SP110: variants seen among roughly 807,000 people sequenced by gnomAD.
SP110 encodes the protein interferon-induced protein 41, 30kD.
Under a neutral mutation model 92.7 loss-of-function variants are expected in SP110, and 62 were observed. The observed-to-expected ratio is 0.67, with a 90% confidence interval of 0.55 to 0.83. SP110 has a LOEUF of 0.83. SP110 is among the 40% of genes least tolerant of loss of function. The pLI, the probability that SP110 is intolerant of heterozygous loss-of-function variation, is 0.00. For synonymous variants in SP110, 273 were observed against 305.3 expected (o/e 0.89, Z 1.10); for missense variants, 793 against 863.9 (o/e 0.92, Z 1.03).
chr2:230,194,240 G>C (rs2042763399), intron 10 of SP110, among the ~76,000 whole-genome samples: 1 of 152,086 alleles, frequency 6.6e-6, no homozygotes, highest in Non-Finnish European at 1.5e-5. Context: ...TAAAGGTACA[G>C]AATCCAAGAG....
In SP110 at chr2:230,178,395, G is replaced by C. The variant is rs537840195; in HGVS notation, c.1349-140C>G. 9.1e-6 allele frequency: 6 copies of C among 661,848 alleles called. No homozygotes were observed. In the East Asian group the frequency reaches 1.4e-4, roughly 15 times the overall value. 41.0% of individuals were successfully genotyped at this position (661,848 alleles called of 1,614,324 possible). On this transcript the variant is annotated intron_variant, in intron 12 of 18. Coordinates refer to ENST00000258381, the MANE Select transcript of SP110 (RefSeq NM_080424.4). Reference sequence around the variant, plus strand: ...TAGTTTGCAGGAACTCTTTCATCTCGAGTGACAGATAAGCTATGTGTACAC... The same window carrying C: ...TAGTTTGCAGGAACTCTTTCATCTCCAGTGACAGATAAGCTATGTGTACAC...
rs1421366518 is a variant in SP110 at position 230,165,768 on chromosome 2, T to C, written c.*3356A>G. Among the ~76,000 whole-genome samples, 2 of 151,844 alleles carry C rather than the reference T, an allele frequency of 1.3e-5. No homozygotes were observed. The highest frequency in any genetic ancestry group is 2.9e-5 in the Non-Finnish European group (2 of 67,974). ...CATTGGGAAAACTTATGGGTAAATATTGGAACTAAAAGCCGTTACGATGCC... is the reference window on the plus strand; with the variant it reads ...CATTGGGAAAACTTATGGGTAAATACTGGAACTAAAAGCCGTTACGATGCC... On this transcript the variant is annotated 3_prime_UTR_variant, in exon 19 of 19. Coordinates refer to ENST00000258381, the MANE Select transcript of SP110 (RefSeq NM_080424.4).
rs2078475873 is a variant in SP110, at chr2:230,172,591, T to C, written c.1706+253A>G. 5.5e-6 allele frequency: 3 copies of C among 547,612 alleles called. 1 individual carries two copies. In the Admixed American group the frequency reaches 9.3e-5, roughly 17 times the overall value. 33.9% of individuals were successfully genotyped at this position (547,612 alleles called of 1,614,324 possible). ...ACAGGCACAGAACATAAGCTGGCTT[T>C]TCCCGTCCCCTCCTCCTTTTGGACA... On this transcript the variant is annotated intron_variant, in intron 15 of 18. Coordinates refer to ENST00000258381, the MANE Select transcript of SP110 (RefSeq NM_080424.4).
rs866076768 is a variant in SP110, at chr2:230,169,162, G to A, written c.2104C>T (p.His702Tyr). The change falls in exon 19 of 19, where the codon CAT (histidine) becomes TAT (tyrosine). Residue 702 changes from histidine (H) to tyrosine (Y), a missense_variant. His to Tyr is a moderately conservative substitution (Grantham distance 83). Transcript: ENST00000258381. ...EKDLKDVLGF[H>Y]EANDGGFWTL... ...CAGAAACCGCCGTCATTGGCTTCAT[G>A]AAAACCGAGCACGTCTTTGAGATCT... The A allele has an allele frequency of 6.2e-7, 1 of 1,613,898 alleles. No individual in the cohort carries two copies. Among genetic ancestry groups the A allele is most frequent in the East Asian group, 2.2e-5 (1 of 44,874 alleles).
intron 6 of SP110, among the ~76,000 whole-genome samples, chr2:230,210,888 T>C (rs1044540893): frequency 2.6e-5 from 4 of 152,198 alleles, no homozygotes; most frequent in Non-Finnish European, 5.9e-5. Context: ...CCAAGTGATA[T>C]AGAAATGACC....
At chr2:230,189,811 G>T (rs113480770) in intron 10 of SP110, among the ~76,000 whole-genome samples, 37,660 of 152,098 alleles carry the variant, frequency 0.25, 5,859 homozygotes, top group Non-Finnish European at 0.35. Flanking sequence ...TTCTGTTCCT[G>T]TGTTACTTTG....
chr2:230,184,795 C>A lies in SP110; in HGVS notation c.1280-1155G>T, dbSNP rs78269589. ...TCCAATGTCAAATTTATTTAAAAAA[C>A]AGGTAAATTGGTAACGATAGGCTAG... On this transcript the variant is annotated intron_variant, in intron 11 of 18. Transcript: ENST00000258381. Among the ~76,000 whole-genome samples, 1,341 of 152,042 alleles carry A rather than the reference C, an allele frequency of 8.8e-3. 11 individuals carry two copies. The highest frequency in any genetic ancestry group is 0.031 in the African/African-American group (1,268 of 41,472).
At chr2:230,207,497 G>C (rs2148893843) in intron 8 of SP110, among the ~76,000 whole-genome samples, 1 of 152,262 alleles carries the variant, frequency 6.6e-6, no homozygotes, top group East Asian at 1.9e-4. Flanking sequence ...CAGCTGCATA[G>C]ATGGCTAGCA....
intron 12 of SP110, among the ~76,000 whole-genome samples, chr2:230,182,248 A>G (rs2396711): frequency 0.77 from 116,285 of 151,996 alleles, 44,605 homozygotes; most frequent in Admixed American, 0.83. Flanking sequence ...TATAAGTGGG[A>G]GTTAAACAAT....
intron 14 of SP110, 115 bp from the exon 15 acceptor site, chr2:230,173,074 A>G (rs2078492151): frequency 1.4e-6 from 1 of 724,686 alleles, no homozygotes; most frequent in Non-Finnish European, 2.5e-6. Context: ...ATCCAAACCC[A>G]ATTTTTGATG....
rs757053890 is a variant in SP110 at position 230,172,124 on chromosome 2, T to C, written c.1757A>G (p.Gln586Arg). ...GGTCTTAGATACATGATGGCACTGT[T>C]GGCTTCCTGAAGACCTCTTCATCCT... ...FCRMKRSSGS[Q>R]QCHHVSKTLE... Residue 586 changes from glutamine to arginine, a missense_variant, in exon 16 of 19, where the codon CAA becomes CGA. Gln to Arg is a conservative substitution (Grantham distance 43). Transcript: ENST00000258381. The C allele has an allele frequency of 2.9e-5, 47 of 1,613,806 alleles. No homozygotes were observed. The highest frequency in any genetic ancestry group is 6.7e-5 in the East Asian group (3 of 44,894).
chr2:230,210,045 TC>T, intron 6 of SP110, 37 bp from the exon 7 acceptor site: 1 of 1,283,684 alleles, frequency 7.8e-7, no homozygotes, highest in Admixed American at 1.7e-5. Context: ...AGAGCTCAGA[TC>T]CAGTGAAGAG....
At chr2:230,200,724 A>G in intron 10 of SP110, 161 bp downstream of exon 10, 6 of 665,560 alleles carry the variant, frequency 9.0e-6, no homozygotes, top group Non-Finnish European at 1.6e-5. Flanking sequence ...AGTAGTAAAT[A>G]TCATGGGAAG....
chr2:230,221,012 G>A (rs751507599), upstream of SP110, among the ~76,000 whole-genome samples: 1 of 152,034 alleles, frequency 6.6e-6, no homozygotes, highest in Middle Eastern at 3.2e-3. Flanking sequence ...GCCAGGCTCG[G>A]TGGCTCACGC....
At chr2:230,207,950 CT>C (rs1281297208) in intron 8 of SP110, 40 bp downstream of exon 8, 1 of 971,510 alleles carries the variant, frequency 1.0e-6, no homozygotes, top group African/African-American at 1.6e-5. Flanking sequence ...CCTGCATGAG[CT>C]GTTTCCAGCC....
intron 12 of SP110, among the ~76,000 whole-genome samples, chr2:230,181,441 G>C (rs1221325449): frequency 6.6e-6 from 1 of 152,216 alleles, no homozygotes; most frequent in East Asian, 1.9e-4. Context: ...GTTAAGATAA[G>C]TGCCATGAAG....
upstream of SP110, among the ~76,000 whole-genome samples, chr2:230,221,306 A>G (rs1041736696): frequency 1.3e-5 from 2 of 151,716 alleles, no homozygotes; most frequent in African/African-American, 4.8e-5. Flanking sequence ...AAAGAATTCT[A>G]TGTAACTTTG....
intron 15 of SP110, 29 bp from the exon 16 acceptor site, chr2:230,172,203 G>A (rs1046775831): frequency 7.3e-7 from 1 of 1,379,056 alleles, no homozygotes; most frequent in Non-Finnish European, 1.0e-6. Context: ...GGTGAGCAGA[G>A]GGCAAAGCCC....
At chr2:230,209,477 G>C (rs889578225) in intron 7 of SP110, among the ~76,000 whole-genome samples, 2 of 152,220 alleles carry the variant, frequency 1.3e-5, no homozygotes, top group African/African-American at 4.8e-5. Flanking sequence ...AAGACTCAAA[G>C]GAGAGGATCA....
Sources: gnomAD v4.1 joint callset for allele counts (sites outside exome capture counted in the v4.1 genomes callset) on GRCh38, gnomAD v4.1.1 for gene constraint, MANE v1.5 for transcripts, NCBI Gene and HGNC (gene_info 2026-07-23, HGNC 2026-07-21) for gene names.